FGD4: variants seen among roughly 807,000 people sequenced by gnomAD.
FGD4 encodes FYVE, RhoGEF and PH domain containing 4.
In FGD4, 42 loss-of-function variants were observed where a neutral mutation model predicts 102.0. That is an observed-to-expected ratio of 0.41 (90% CI 0.32 to 0.53). The LOEUF (loss-of-function observed/expected upper bound fraction) is 0.53, where lower values mean the gene tolerates loss of function less well. Ranked by LOEUF, FGD4 falls within the 20% of genes least tolerant of loss-of-function variation. The probability of loss-of-function intolerance (pLI) is 0.21; values close to 1 mark genes in which losing one functional copy is unlikely to be tolerated. For missense variants in FGD4, 902 were observed against 1,078.2 expected (o/e 0.84, Z 2.29); for synonymous variants, 380 against 375.7 (o/e 1.01, Z -0.13).
At chr12:32,512,399 A>G (rs973924387) in intron 1 of FGD4, among the ~76,000 whole-genome samples, 4 of 151,684 alleles carry the variant, frequency 2.6e-5, no homozygotes, top group Admixed American at 6.6e-5. Flanking sequence ...GGGAGCTGAT[A>G]TCCTGTCATT....
chr12:32,635,407 G>A lies in FGD4; in HGVS notation c.2313+1718G>A, dbSNP rs182105662. ...AACCTTATACTGAGGAAAAATTAATGAATTACTTATTAGGTCAACTCATAT... is the reference window on the plus strand; with the variant it reads ...AACCTTATACTGAGGAAAAATTAATAAATTACTTATTAGGTCAACTCATAT... On this transcript the variant is annotated intron_variant, in intron 15 of 16. Coordinates refer to ENST00000534526, the MANE Select transcript of FGD4 (RefSeq NM_001370298.3). Among the ~76,000 whole-genome samples, 130 of 152,258 alleles carry A rather than the reference G, an allele frequency of 8.5e-4. 1 individual carries two copies. Among genetic ancestry groups the A allele is most frequent in the Admixed American group, 8.4e-3 (128 of 15,296 alleles).
At chr12:32,464,083 CT>C (rs1943182142) in intron 1 of FGD4, among the ~76,000 whole-genome samples, 1 of 152,142 alleles carries the variant, frequency 6.6e-6, no homozygotes, top group Non-Finnish European at 1.5e-5. Context: ...TTAATGTTTG[CT>C]AAGCACTTAT....
intron 4 of FGD4, among the ~76,000 whole-genome samples, chr12:32,585,191 G>GGTGACAGA (rs1946905944): frequency 7.0e-6 from 1 of 142,670 alleles, no homozygotes; most frequent in African/African-American, 2.6e-5. Context: ...CTCCAGGCTA[G>GGTGACAGA]GTGACAGAGT....
chr12:32,574,111 A>G (rs1945922773), intron 2 of FGD4, among the ~76,000 whole-genome samples: 1 of 152,204 alleles, frequency 6.6e-6, no homozygotes, highest in Admixed American at 6.5e-5. Context: ...GGTGGACACA[A>G]TTTAGATTGG....
At chr12:32,526,453 T>G (rs368116171) in intron 1 of FGD4, among the ~76,000 whole-genome samples, 18 of 152,142 alleles carry the variant, frequency 1.2e-4, no homozygotes, top group African/African-American at 4.1e-4. Flanking sequence ...GTGTGGAAAC[T>G]CTGTATCTAA....
intron 1 of FGD4, among the ~76,000 whole-genome samples, chr12:32,455,354 G>A (rs1942920612): frequency 6.6e-6 from 1 of 152,104 alleles, no homozygotes; most frequent in Non-Finnish European, 1.5e-5. Context: ...GCTGTATCAT[G>A]AAGTATAGTA....
chr12:32,401,726 C>CTTTTTTTT (rs34078307), intron 1 of FGD4, among the ~76,000 whole-genome samples: 3 of 113,592 alleles, frequency 2.6e-5, no homozygotes, highest in Non-Finnish European at 5.2e-5. Flanking sequence ...CTTTTCCATT[C>CTTTTTTTT]TTTTTTTTTT....
At chr12:32,616,813 G>A (rs563895892) in intron 10 of FGD4, among the ~76,000 whole-genome samples, 2 of 152,298 alleles carry the variant, frequency 1.3e-5, no homozygotes, top group Admixed American at 6.5e-5. Context: ...GCTGTTTAAT[G>A]TAAGCCATTT....
intron 15 of FGD4, among the ~76,000 whole-genome samples, chr12:32,636,141 G>A (rs535774045): frequency 2.0e-5 from 3 of 152,068 alleles, no homozygotes; most frequent in Non-Finnish European, 2.9e-5. Context: ...TTAATTGTAA[G>A]TGGTCGCGTA....
At chr12:32,576,226 A>G (rs769409352) in intron 2 of FGD4, 40 bp from the exon 3 acceptor site, 57 of 1,542,410 alleles carry the variant, frequency 3.7e-5, no homozygotes, top group Non-Finnish European at 2.6e-6. Context: ...TTATTGAACA[A>G]AATATCAGTG....
chr12:32,596,531 C>T (rs1231243087), intron 4 of FGD4, among the ~76,000 whole-genome samples: 2 of 151,626 alleles, frequency 1.3e-5, no homozygotes, highest in African/African-American at 4.9e-5. Context: ...GAGAGGAAGA[C>T]TACTGAAGGC....
chr12:32,587,789 G>A (rs573013706), intron 4 of FGD4, among the ~76,000 whole-genome samples: 1 of 152,322 alleles, frequency 6.6e-6, no homozygotes, highest in East Asian at 1.9e-4. Flanking sequence ...AGAGAAGGAA[G>A]TAGAGTTGCT....
intron 12 of FGD4, 51 bp from the exon 13 acceptor site, chr12:32,624,924 TG>T: frequency 7.0e-7 from 1 of 1,423,560 alleles, no homozygotes; most frequent in Non-Finnish European, 9.9e-7. Flanking sequence ...GTATATTCAT[TG>T]GTTTATATGA....
At chr12:32,482,661 G>A (rs1261553128) in intron 1 of FGD4, among the ~76,000 whole-genome samples, 1 of 152,148 alleles carries the variant, frequency 6.6e-6, no homozygotes, top group Non-Finnish European at 1.5e-5. Context: ...GTTATGCAAA[G>A]AATCCCATGA....
rs1053902784 is a variant in FGD4, at chr12:32,531,815, C to T, written c.167-32322C>T. ...GCTGGCTCATAGGATAAGTGCATTCCCACCTGATGAGAAACTGCTATTGCT... is the reference window on the plus strand; with the variant it reads ...GCTGGCTCATAGGATAAGTGCATTCTCACCTGATGAGAAACTGCTATTGCT... On this transcript the variant is annotated intron_variant, in intron 1 of 16. Transcript: ENST00000534526. 3.9e-5 allele frequency among the ~76,000 whole-genome samples: 6 copies of T among 152,150 alleles called. No individual in the cohort carries two copies. In the East Asian group the frequency reaches 9.6e-4, roughly 24 times the overall value.
At chr12:32,527,746 G>A (rs1399806886) in intron 1 of FGD4, among the ~76,000 whole-genome samples, 1 of 151,900 alleles carries the variant, frequency 6.6e-6, no homozygotes, top group Non-Finnish European at 1.5e-5. Flanking sequence ...GTATTTTAAT[G>A]TAGTAAGTCA....
chr12:32,642,138 A>G lies in FGD4; in HGVS notation c.*1605A>G, dbSNP rs1033149803. On this transcript the variant is annotated 3_prime_UTR_variant, in exon 17 of 17. Transcript: ENST00000534526. ...CAAGTGAACCAATTATTGCTGACAT[A>G]ATAGGTTCCCTTCCTCCATAAAAGG... is the stretch of plus-strand genomic sequence containing the variant. 6.6e-6 allele frequency: 1 copy of G among 152,116 alleles called. No homozygotes were observed. The highest frequency in any genetic ancestry group is 2.4e-5 in the African/African-American group (1 of 41,442). 9.4% of individuals were successfully genotyped at this position (152,116 alleles called of 1,614,324 possible).
At chr12:32,501,120 T>C (rs1388407785) in intron 1 of FGD4, among the ~76,000 whole-genome samples, 1 of 152,230 alleles carries the variant, frequency 6.6e-6, no homozygotes, top group Non-Finnish European at 1.5e-5. Flanking sequence ...GATGCAGTCA[T>C]GGCTTACTAC....
At chr12:32,491,359 C>T (rs1209796352) in intron 1 of FGD4, among the ~76,000 whole-genome samples, 2 of 152,108 alleles carry the variant, frequency 1.3e-5, no homozygotes, top group African/African-American at 2.4e-5. Context: ...CCAGGAACCA[C>T]ACTTTGACAA....
Sources: allele counts gnomAD v4.1 joint callset (sites outside exome capture counted in the v4.1 genomes callset), GRCh38; gene constraint gnomAD v4.1.1; transcripts MANE v1.5; gene names NCBI Gene and HGNC (gene_info 2026-07-23, HGNC 2026-07-21).